ARHGAP5: variants seen among roughly 807,000 people sequenced by gnomAD.
The protein encoded by ARHGAP5 is rho GTPase-activating protein 5.
Under a neutral mutation model 116.6 loss-of-function variants are expected in ARHGAP5, and 23 were observed. The observed-to-expected ratio is 0.20, with a 90% confidence interval of 0.14 to 0.28. ARHGAP5 has a LOEUF of 0.28. ARHGAP5 is among the 10% of genes least tolerant of loss of function. The pLI is 1.00. For synonymous variants in ARHGAP5, 574 were observed against 602.0 expected (o/e 0.95, Z 0.68); for missense variants, 1,405 against 1,774.8 (o/e 0.79, Z 3.74).
At chr14:32,139,667 T>A (rs2139124317) in intron 3 of ARHGAP5, among the ~76,000 whole-genome samples, 1 of 151,966 alleles carries the variant, frequency 6.6e-6, no homozygotes, top group East Asian at 1.9e-4. Context: ...TGGTTTTGTT[T>A]GATTCTCCCT....
In ARHGAP5 at chr14:32,092,591, C is replaced by A. The variant is rs1459439063; in HGVS notation, c.1922C>A (p.Ser641Ter). The change falls in exon 2 of 7, where the codon TCG (serine) becomes TAG (stop). Residue 641 changes from serine (S) to a stop codon, truncating the protein, a stop_gained. Transcript: ENST00000345122. LOFTEE classifies it high-confidence loss of function. This position sits in a 1 kb window ranked among gnomAD's most constrained non-coding sequence, Gnocchi z 4.1. ...ELDLRPVDAK[S>*]PYFLSQLWTA... is the part of the protein sequence containing the mutation. ...GATCTTCGGCCGGTTGATGCCAAAT[C>A]GCCTTACTTTTTGAGTCAGTTATGG... The A allele has an allele frequency of 6.2e-7, 1 of 1,613,432 alleles. No homozygotes were observed. The highest frequency in any genetic ancestry group is 8.5e-7 in the Non-Finnish European group (1 of 1,179,810).
intron 3 of ARHGAP5, among the ~76,000 whole-genome samples, chr14:32,143,548 G>A (rs1881238301): frequency 6.6e-6 from 1 of 152,058 alleles, no homozygotes; most frequent in South Asian, 2.1e-4. Context: ...CCAGCCAAAA[G>A]GCAACATTAT....
chr14:32,117,054 T>A, intron 2 of ARHGAP5, 86 bp from the exon 3 acceptor site: 2 of 1,063,386 alleles, frequency 1.9e-6, no homozygotes, highest in Non-Finnish European at 1.3e-6. Context: ...ATTTTTCTTT[T>A]GATCCGAACC....
intron 2 of ARHGAP5, among the ~76,000 whole-genome samples, chr14:32,098,254 G>A (rs1315124578): frequency 6.6e-6 from 1 of 152,108 alleles, no homozygotes; most frequent in Non-Finnish European, 1.5e-5. Flanking sequence ...CACACAGATA[G>A]GCATATCGAC....
chr14:32,090,920 A>G lies in ARHGAP5; in HGVS notation c.251A>G (p.Asp84Gly), dbSNP rs748786711. 6.2e-7 allele frequency: 1 copy of G among 1,613,670 alleles called. No homozygotes were observed. The highest frequency in any genetic ancestry group is 2.2e-5 in the East Asian group (1 of 44,874). ...GGTGACATAATACAAAATAGTGAAG[A>G]TGGAGTAGAATGCAAAATTCATGTC... ...YWGDIIQNSE[D>G]GVECKIHVIE... The change falls in exon 2 of 7, where the codon GAT becomes GGT. Residue 84 changes from aspartate to glycine, a missense_variant. Around this residue, in one of 6 missense-constraint regions of ARHGAP5, gnomAD observed 190 missense variants for 314.9 expected, o/e 0.60. Transcript: ENST00000345122.
intron 3 of ARHGAP5, among the ~76,000 whole-genome samples, chr14:32,134,438 C>A (rs1229822832): frequency 6.6e-6 from 1 of 152,168 alleles, no homozygotes; most frequent in African/African-American, 2.4e-5. Flanking sequence ...TCAAGTATCA[C>A]CGCAAAAAAC....
chr14:32,078,935 T>G (rs1347297519), intron 1 of ARHGAP5, among the ~76,000 whole-genome samples: 1 of 152,224 alleles, frequency 6.6e-6, no homozygotes, highest in African/African-American at 2.4e-5. Flanking sequence ...TACTAGATAG[T>G]TTCTTGAGTA....
chr14:32,123,529 C>A (rs1206455812), intron 3 of ARHGAP5, among the ~76,000 whole-genome samples: 1 of 150,998 alleles, frequency 6.6e-6, no homozygotes, highest in African/African-American at 2.4e-5. Context: ...TGTTCTATAT[C>A]ATTTCTGGGC....
chr14:32,117,893 A>C (rs1428110678), intron 3 of ARHGAP5, among the ~76,000 whole-genome samples: 5 of 152,198 alleles, frequency 3.3e-5, no homozygotes, highest in Non-Finnish European at 7.4e-5. Context: ...GGCAAGTTAA[A>C]GGTGGAAAAT....
chr14:32,115,509 C>T (rs1480810307), intron 2 of ARHGAP5, among the ~76,000 whole-genome samples: 1 of 150,476 alleles, frequency 6.6e-6, no homozygotes, highest in Non-Finnish European at 1.5e-5. Context: ...TAAAAAAATA[C>T]AAAAAAATTA....
intron 2 of ARHGAP5, among the ~76,000 whole-genome samples, chr14:32,096,907 C>A (rs1216166393): frequency 6.6e-6 from 1 of 152,284 alleles, no homozygotes; most frequent in East Asian, 1.9e-4. Flanking sequence ...AAATACAGGT[C>A]TACAGACCCT....
intron 6 of ARHGAP5, among the ~76,000 whole-genome samples, 190 bp downstream of exon 6, chr14:32,152,718 TAGTA>T (rs1309453363): frequency 3.9e-5 from 6 of 152,220 alleles, no homozygotes; most frequent in African/African-American, 1.2e-4. Context: ...ATTATATAAA[TAGTA>T]AGTGTGGTAA....
chr14:32,094,069 G>C lies in ARHGAP5; in HGVS notation c.3400G>C (p.Glu1134Gln), dbSNP rs1312816150. The change falls in exon 2 of 7, where the codon GAA becomes CAA. Residue 1134 changes from glutamate to glutamine, a missense_variant. Physicochemically the swap from Glu to Gln is conservative, Grantham distance 29. Transcript: ENST00000345122. ...SFVNNTQGDEENGFSDRTSKS... is the reference protein window; with the variant it reads ...SFVNNTQGDEQNGFSDRTSKS... Reference sequence around the variant, plus strand: ...TGTAAATAACACCCAAGGAGATGAAGAAAATGGGTTTTCTGATAGAACCTC... The same window carrying C: ...TGTAAATAACACCCAAGGAGATGAACAAAATGGGTTTTCTGATAGAACCTC... 6.2e-7 allele frequency: 1 copy of C among 1,614,000 alleles called. No homozygotes were observed. The highest frequency in any genetic ancestry group is 8.5e-7 in the Non-Finnish European group (1 of 1,179,964).
Position 32,093,948 on chromosome 14 carries a change from A to G in ARHGAP5, c.3279A>G (p.Glu1093=). 6.2e-7 allele frequency: 1 copy of G among 1,613,962 alleles called. No individual in the cohort carries two copies. Among genetic ancestry groups the G allele is most frequent in the South Asian group, 1.1e-5 (1 of 91,012 alleles). The change falls in exon 2 of 7, where the codon GAA becomes GAG. Residue 1093 remains glutamate, a synonymous_variant. Transcript: ENST00000345122. The part of the protein sequence containing the change: ...EDMDPSDNYA[E]PIDTIFKQKG... Reference sequence around the variant, plus strand: ...TGGATCCTTCAGATAACTATGCGGAACCCATTGATACAATTTTCAAACAGA... The same window carrying G: ...TGGATCCTTCAGATAACTATGCGGAGCCCATTGATACAATTTTCAAACAGA...
At position 32,157,544 on chromosome 14, in the gene ARHGAP5, A is replaced by T. The variant is rs988512347; in HGVS notation, c.*2596A>T. On this transcript the variant is annotated 3_prime_UTR_variant, in exon 7 of 7. Transcript: ENST00000345122. ...GGACCTAACAGGATCTAGATTAGCAATATAAAGAAGCATAGTGGTACTCTG... is the reference window on the plus strand; with the variant it reads ...GGACCTAACAGGATCTAGATTAGCATTATAAAGAAGCATAGTGGTACTCTG... 3.3e-5 allele frequency: 5 copies of T among 152,408 alleles called. No homozygotes were observed. Among genetic ancestry groups the T allele is most frequent in the African/African-American group, 1.2e-4 (5 of 41,560 alleles). The allele number at this position is 152,408 out of a possible 1,614,324, so 9.4% of individuals were successfully genotyped here. A position where few individuals can be genotyped will look rare whatever the true frequency, so the allele number is the denominator to read the frequency against.
At chr14:32,094,958 A>G (rs1028613990) in intron 2 of ARHGAP5, among the ~76,000 whole-genome samples, 1 of 152,174 alleles carries the variant, frequency 6.6e-6, no homozygotes, top group African/African-American at 2.4e-5. Flanking sequence ...ATCTAATGGT[A>G]TTAGGCATTT....
At chr14:32,119,566 T>G (rs1009657822) in intron 3 of ARHGAP5, among the ~76,000 whole-genome samples, 32 of 150,270 alleles carry the variant, frequency 2.1e-4, no homozygotes, top group African/African-American at 8.1e-4. Context: ...AATCAAGATT[T>G]AAGTTATTTT....
intron 2 of ARHGAP5, among the ~76,000 whole-genome samples, chr14:32,111,787 G>GT (rs1376112574): frequency 3.4e-5 from 5 of 146,364 alleles, no homozygotes; most frequent in African/African-American, 1.0e-4. Context: ...TCTGTGATGA[G>GT]TTTTTTCTTT....
At chr14:32,143,578 A>G (rs1021236926) in intron 3 of ARHGAP5, among the ~76,000 whole-genome samples, 2 of 152,182 alleles carry the variant, frequency 1.3e-5, no homozygotes, top group Non-Finnish European at 2.9e-5. Context: ...CTAAAATTTT[A>G]TATTTAGCTT....
Sources: allele counts gnomAD v4.1 joint callset (sites outside exome capture counted in the v4.1 genomes callset), GRCh38; gene constraint gnomAD v4.1.1; regional missense constraint gnomAD v4.1.1; non-coding constraint Gnocchi (gnomAD v3.1); transcripts MANE v1.5; gene names NCBI Gene and HGNC (gene_info 2026-07-23, HGNC 2026-07-21).